Variants in CSMD1 observed in about 807,000 individuals in gnomAD.
CSMD1 encodes the protein CUB and sushi domain-containing protein 1.
Under a neutral mutation model 417.5 loss-of-function variants are expected in CSMD1, and 213 were observed. That is an observed-to-expected ratio of 0.51 (90% CI 0.46 to 0.57). CSMD1 has a LOEUF of 0.57. CSMD1 is among the 20% of genes least tolerant of loss of function. The probability of loss-of-function intolerance (pLI) is 0.00; values close to 1 mark genes in which losing one functional copy is unlikely to be tolerated. For missense variants in CSMD1, 6,923 were observed against 4,529.7 expected, an observed-to-expected ratio of 1.53 and a Z score of -15.17; for synonymous variants, 2,862 against 1,736.8, an observed-to-expected ratio of 1.65 and a Z score of -16.11.
intron 3 of CSMD1, among the ~76,000 whole-genome samples, chr8:4,320,316 A>C (rs988514169): frequency 6.6e-6 from 1 of 152,208 alleles, no homozygotes; most frequent in Non-Finnish European, 1.5e-5. Context: ...TAATACCTTC[A>C]GGCTATTTGT....
At chr8:3,425,551 G>A (rs1470076015) in intron 12 of CSMD1, among the ~76,000 whole-genome samples, 1 of 138,688 alleles carries the variant, frequency 7.2e-6, no homozygotes, top group Non-Finnish European at 1.5e-5. Context: ...TTGCGCCACT[G>A]CACTCTGGCC....
At chr8:3,797,986 T>A (rs1164928894) in intron 5 of CSMD1, among the ~76,000 whole-genome samples, 3 of 152,040 alleles carry the variant, frequency 2.0e-5, no homozygotes, top group Non-Finnish European at 4.4e-5. Flanking sequence ...GGTTTCAACG[T>A]GCATTTCCTT....
At chr8:4,652,104 T>G (rs1458747770) in intron 1 of CSMD1, among the ~76,000 whole-genome samples, 4 of 152,218 alleles carry the variant, frequency 2.6e-5, no homozygotes, top group African/African-American at 7.2e-5. Context: ...TTTTTCCAAT[T>G]AAATTAATAA....
At chr8:4,178,790 G>A (rs1033830523) in intron 3 of CSMD1, among the ~76,000 whole-genome samples, 3 of 151,986 alleles carry the variant, frequency 2.0e-5, no homozygotes, top group African/African-American at 7.2e-5. Flanking sequence ...ACCAACAAAA[G>A]ACAAACAGCC....
At chr8:3,954,584 G>T (rs1319649402) in intron 5 of CSMD1, among the ~76,000 whole-genome samples, 1 of 152,204 alleles carries the variant, frequency 6.6e-6, no homozygotes, top group Non-Finnish European at 1.5e-5. Flanking sequence ...GCTCAGGCTG[G>T]AACGCCTGAC....
At chr8:3,785,675 G>C (rs535791256) in intron 5 of CSMD1, among the ~76,000 whole-genome samples, 6 of 152,312 alleles carry the variant, frequency 3.9e-5, no homozygotes, top group South Asian at 2.1e-4. Context: ...CTGAGGGTGA[G>C]TGTGGGCTGT....
chr8:3,013,569 G>A (rs146611801), intron 52 of CSMD1, among the ~76,000 whole-genome samples: 2,333 of 152,072 alleles, frequency 0.015, 20 homozygotes, highest in East Asian at 0.038. Flanking sequence ...TGGCCAACAT[G>A]GTAAAACCCC....
intron 5 of CSMD1, among the ~76,000 whole-genome samples, chr8:3,779,028 G>C (rs1360373097): frequency 6.6e-6 from 1 of 152,086 alleles, no homozygotes; most frequent in African/African-American, 2.4e-5. Flanking sequence ...CAGAATATTT[G>C]CATGATCAAC....
intron 38 of CSMD1, among the ~76,000 whole-genome samples, chr8:3,161,050 T>C (rs1210922213): frequency 6.6e-6 from 1 of 152,236 alleles, no homozygotes; most frequent in East Asian, 1.9e-4. Flanking sequence ...ATTATAAACA[T>C]ACAGCTAAAA....
intron 3 of CSMD1, among the ~76,000 whole-genome samples, chr8:4,146,037 G>C (rs1428664179): frequency 6.6e-6 from 1 of 150,714 alleles, no homozygotes; most frequent in Non-Finnish European, 1.5e-5. Context: ...GTTGGGGAGT[G>C]AACACTTAGC....
intron 1 of CSMD1, among the ~76,000 whole-genome samples, chr8:4,870,029 G>GT (rs1324993562): frequency 6.6e-6 from 1 of 152,082 alleles, no homozygotes; most frequent in Non-Finnish European, 1.5e-5. Flanking sequence ...CAACCGTAAA[G>GT]TATGTATTCC....
intron 5 of CSMD1, among the ~76,000 whole-genome samples, chr8:3,832,283 G>C (rs776477715): frequency 6.6e-6 from 1 of 152,018 alleles, no homozygotes; most frequent in African/African-American, 2.4e-5. Flanking sequence ...TGAGTACACG[G>C]GATTATTTTA....
chr8:3,767,293 C>A (rs1798325533), intron 5 of CSMD1, among the ~76,000 whole-genome samples: 2 of 152,214 alleles, frequency 1.3e-5, no homozygotes, highest in Non-Finnish European at 1.5e-5. Flanking sequence ...GCACACTCTG[C>A]AATGGTGTGG....
chr8:4,567,104 T>C (rs955018543), intron 2 of CSMD1, among the ~76,000 whole-genome samples: 1 of 152,176 alleles, frequency 6.6e-6, no homozygotes, highest in Non-Finnish European at 1.5e-5. Flanking sequence ...TTAAAATGTA[T>C]GGCTTTGAAA....
rs183261404 is a variant in CSMD1, at chr8:3,540,924, G to C, written c.1344+34021C>G. The stretch of plus-strand genomic sequence containing the variant: ...GGAGAAACAGAAACTCTTTTACACT[G>C]TTGGTGGGAATGTAACTTAGTTCAA... On this transcript the variant is annotated intron_variant, in intron 10 of 69. Transcript: ENST00000635120. Among the ~76,000 whole-genome samples the C allele has an allele frequency of 3.5e-3, 531 of 152,348 alleles. 3 individuals carry two copies. The highest frequency in any genetic ancestry group is 6.0e-3 in the Non-Finnish European group (407 of 68,034).
At chr8:4,663,815 G>A (rs964538465) in intron 1 of CSMD1, among the ~76,000 whole-genome samples, 3 of 152,186 alleles carry the variant, frequency 2.0e-5, no homozygotes, top group African/African-American at 7.2e-5. Flanking sequence ...TCTGGTTCCA[G>A]GCAGAACAAA....
intron 2 of CSMD1, among the ~76,000 whole-genome samples, chr8:4,546,789 T>TA (rs1270392213): frequency 6.6e-6 from 1 of 151,848 alleles, no homozygotes; most frequent in Non-Finnish European, 1.5e-5. Context: ...ATATAATATA[T>TA]AAAAATATAT....
At chr8:4,697,559 A>T (rs1390183892) in intron 1 of CSMD1, among the ~76,000 whole-genome samples, 1 of 152,124 alleles carries the variant, frequency 6.6e-6, no homozygotes, top group Non-Finnish European at 1.5e-5. Context: ...GACGATAGCA[A>T]AACAATTGTA....
At position 4,126,308 on chromosome 8, in the gene CSMD1, A is replaced by C. The variant is rs182462896; in HGVS notation, c.416-94209T>G. Among the ~76,000 whole-genome samples the C allele has an allele frequency of 2.4e-3, 367 of 152,290 alleles. 4 individuals carry two copies. Among genetic ancestry groups the C allele is most frequent in the African/African-American group, 8.4e-3 (347 of 41,556 alleles). On this transcript the variant is annotated intron_variant, in intron 3 of 69. Coordinates refer to ENST00000635120, the MANE Select transcript of CSMD1 (RefSeq NM_033225.6). Reference sequence around the variant, plus strand: ...TTCATAGCAATGTCCCTGTTGATAAATTGGCTCTGTCTGGGCAGGGGGCAA... The same window carrying C: ...TTCATAGCAATGTCCCTGTTGATAACTTGGCTCTGTCTGGGCAGGGGGCAA...
Sources: allele counts gnomAD v4.1 joint callset (sites outside exome capture counted in the v4.1 genomes callset), GRCh38; gene constraint gnomAD v4.1.1; transcripts MANE v1.5; gene names NCBI Gene and HGNC (gene_info 2026-07-23, HGNC 2026-07-21).